The following COL8A1 variants were observed in gnomAD, a reference collection of about 807,000 sequenced individuals.
The protein encoded by COL8A1 is collagen alpha-1(VIII) chain.
A neutral mutation model predicts 42.7 loss-of-function variants in COL8A1; 21 were observed. The ratio of observed to expected loss-of-function variants is 0.49; its 90% CI spans 0.35 to 0.71. COL8A1 has a LOEUF of 0.71. COL8A1 is among the 30% of genes least tolerant of loss of function. COL8A1 has a pLI of 0.01. For synonymous variants in COL8A1, 367 were observed against 369.1 expected (o/e 0.99, Z 0.06); for missense variants, 788 against 962.4 (o/e 0.82, Z 2.40).
At chr3:99,789,008 C>T (rs1941947636) in intron 2 of COL8A1, among the ~76,000 whole-genome samples, 1 of 152,118 alleles carries the variant, frequency 6.6e-6, no homozygotes, top group South Asian at 2.1e-4. Flanking sequence ...ATATTATATT[C>T]ATCTTAGTAA....
At chr3:99,682,812 A>G (rs1375090964) in intron 1 of COL8A1, among the ~76,000 whole-genome samples, 2 of 152,078 alleles carry the variant, frequency 1.3e-5, no homozygotes, top group Admixed American at 6.6e-5. Flanking sequence ...ATAAAATCTG[A>G]AAAATCAGAA....
At chr3:99,698,510 G>GAGTA (rs1184623576) in intron 1 of COL8A1, among the ~76,000 whole-genome samples, 2 of 152,224 alleles carry the variant, frequency 1.3e-5, no homozygotes, top group Non-Finnish European at 2.9e-5. Context: ...GAAGGATCTA[G>GAGTA]AGTAAGTGTT....
chr3:99,735,546 A>G (rs1369702611), intron 1 of COL8A1, among the ~76,000 whole-genome samples: 6 of 150,280 alleles, frequency 4.0e-5, no homozygotes, highest in Non-Finnish European at 5.9e-5. Context: ...TGCTGGATTC[A>G]GTTTGCCAGT....
At chr3:99,731,030 T>C (rs1940491861) in intron 1 of COL8A1, among the ~76,000 whole-genome samples, 1 of 152,094 alleles carries the variant, frequency 6.6e-6, no homozygotes, top group Non-Finnish European at 1.5e-5. Flanking sequence ...TAAATATTTA[T>C]GGAATGCCTA....
chr3:99,734,349 G>C (rs964270607), intron 1 of COL8A1, among the ~76,000 whole-genome samples: 6 of 141,942 alleles, frequency 4.2e-5, no homozygotes, highest in Non-Finnish European at 7.6e-5. Flanking sequence ...AAGGGATCCA[G>C]TTTCAGCTTT....
intron 1 of COL8A1, among the ~76,000 whole-genome samples, chr3:99,682,500 G>C (rs571062252): frequency 2.0e-5 from 3 of 151,976 alleles, no homozygotes; most frequent in Admixed American, 2.0e-4. Flanking sequence ...CACTAACAAG[G>C]ACATGAAACA....
chr3:99,667,572 A>G (rs924066947), intron 1 of COL8A1, among the ~76,000 whole-genome samples: 1 of 152,110 alleles, frequency 6.6e-6, no homozygotes, highest in South Asian at 2.1e-4. Context: ...ACGTATTGTC[A>G]GTACTTTAGA....
At chr3:99,759,096 G>A (rs1326618103) in intron 2 of COL8A1, among the ~76,000 whole-genome samples, 1 of 133,438 alleles carries the variant, frequency 7.5e-6, no homozygotes, top group Non-Finnish European at 1.6e-5. Context: ...CCCATCACAA[G>A]AGCCTGTTCC....
intron 2 of COL8A1, among the ~76,000 whole-genome samples, chr3:99,745,548 CT>C (rs1389384393): frequency 5.3e-5 from 8 of 152,162 alleles, no homozygotes; most frequent in Non-Finnish European, 1.2e-4. Context: ...ATTGGGGCAA[CT>C]TTTTTTCTGG....
chr3:99,746,526 A>C (rs1941030036), intron 2 of COL8A1, among the ~76,000 whole-genome samples: 1 of 151,150 alleles, frequency 6.6e-6, no homozygotes, highest in Admixed American at 6.6e-5. Context: ...TCTCCCAGTA[A>C]AAAAAGTATA....
chr3:99,774,287 C>CA (rs1312322224), intron 2 of COL8A1, among the ~76,000 whole-genome samples: 3 of 151,404 alleles, frequency 2.0e-5, no homozygotes, highest in East Asian at 1.9e-4. Flanking sequence ...CATTATATGC[C>CA]AAAAAATATG....
intron 1 of COL8A1, among the ~76,000 whole-genome samples, chr3:99,680,982 A>G (rs1483983696): frequency 6.6e-6 from 1 of 152,204 alleles, no homozygotes; most frequent in East Asian, 1.9e-4. Flanking sequence ...TTATACAAAA[A>G]TTAATTCAAG....
At chr3:99,653,540 A>C (rs1037097470) in intron 1 of COL8A1, among the ~76,000 whole-genome samples, 2 of 151,582 alleles carry the variant, frequency 1.3e-5, no homozygotes, top group African/African-American at 4.9e-5. Flanking sequence ...TCCCTTCACC[A>C]TGTCAATGCA....
intron 1 of COL8A1, among the ~76,000 whole-genome samples, chr3:99,730,751 T>C (rs560296172): frequency 2.0e-5 from 3 of 152,304 alleles, no homozygotes; most frequent in Admixed American, 2.0e-4. Context: ...TGAGTGGTGG[T>C]ACAGTTTTTA....
intron 1 of COL8A1, among the ~76,000 whole-genome samples, chr3:99,667,291 G>T (rs764989580): frequency 6.6e-6 from 1 of 152,002 alleles, no homozygotes; most frequent in Non-Finnish European, 1.5e-5. Context: ...TTTTGTTGCT[G>T]GTTCCATACG....
chr3:99,725,780 C>T (rs537333430), intron 1 of COL8A1, among the ~76,000 whole-genome samples: 71 of 151,960 alleles, frequency 4.7e-4, no homozygotes, highest in African/African-American at 1.5e-3. Context: ...TTCCATGGTG[C>T]ATATGTGCAA....
At position 99,735,026 on chromosome 3, in the gene COL8A1, C is replaced by G. The variant is rs1274978437; in HGVS notation, c.-128-9871C>G. On this transcript the variant is annotated intron_variant, in intron 1 of 3. Transcript: ENST00000652472. ...GTATCCTGAGACTTTGCTGAAGTTG[C>G]TTATCAGCTTAAGGAGATTTTGGGC... Among the ~76,000 whole-genome samples the G allele has an allele frequency of 7.9e-5, 12 of 151,862 alleles. No individual in the cohort carries two copies. In the East Asian group the frequency reaches 2.3e-3, roughly 30 times the overall value.
chr3:99,687,514 G>A (rs1939100029), intron 1 of COL8A1, among the ~76,000 whole-genome samples: 1 of 152,156 alleles, frequency 6.6e-6, no homozygotes, highest in Admixed American at 6.5e-5. Context: ...GTTGAGAGTG[G>A]GGAGCTATGC....
intron 2 of COL8A1, among the ~76,000 whole-genome samples, chr3:99,785,177 T>G (rs1941869856): frequency 6.6e-6 from 1 of 152,216 alleles, no homozygotes; most frequent in Non-Finnish European, 1.5e-5. Context: ...ACTGAGCTGC[T>G]TTTTAAATGT....
Sources: allele counts gnomAD v4.1 joint callset (sites outside exome capture counted in the v4.1 genomes callset), GRCh38; gene constraint gnomAD v4.1.1; transcripts MANE v1.5; gene names NCBI Gene and HGNC (gene_info 2026-07-23, HGNC 2026-07-21).